The following ITSN1 variants were observed in gnomAD, a reference collection of about 807,000 sequenced individuals.
The protein encoded by ITSN1 is intersectin-1.
A neutral mutation model predicts 239.8 loss-of-function variants in ITSN1; 58 were observed. The observed-to-expected ratio is 0.24, with a 90% confidence interval of 0.20 to 0.30. The LOEUF (loss-of-function observed/expected upper bound fraction) is 0.30, where lower values mean the gene tolerates loss of function less well. Among genes scored for constraint, ITSN1 ranks in the 10% least tolerant of loss-of-function variants. The pLI is 1.00. For missense variants in ITSN1, 1,558 were observed against 2,103.3 expected (o/e 0.74, Z 5.07); for synonymous variants, 780 against 770.8 (o/e 1.01, Z -0.20).
chr21:33,810,779 G>A lies in ITSN1; in HGVS notation c.2320-196G>A, dbSNP rs920976259. 6.7e-6 allele frequency: 5 copies of A among 749,726 alleles called. No homozygotes were observed. In the Admixed American group the frequency reaches 7.8e-5, roughly 12 times the overall value. 46.4% of individuals were successfully genotyped at this position (749,726 alleles called of 1,614,324 possible). A position where few individuals can be genotyped will look rare whatever the true frequency, so the allele number is the denominator to read the frequency against. On this transcript the variant is annotated intron_variant, in intron 20 of 39. Transcript: ENST00000381318. ...TTTTTAAAAAGTGCAGAGAATAAGA[G>A]CTTGAATTATAGTGCATTTTTTTTT...
At chr21:33,762,628 T>A (rs1368459285) in intron 9 of ITSN1, among the ~76,000 whole-genome samples, 1 of 152,178 alleles carries the variant, frequency 6.6e-6, no homozygotes, top group Non-Finnish European at 1.5e-5. Context: ...ATTTTAGCTT[T>A]TATCTTCAAA....
chr21:33,736,028 T>C (rs1156938144), intron 5 of ITSN1, among the ~76,000 whole-genome samples: 1 of 152,192 alleles, frequency 6.6e-6, no homozygotes, highest in Non-Finnish European at 1.5e-5. Context: ...AAATTATCTT[T>C]CAACCAGGTA....
chr21:33,715,491 G>C (rs1016706490), intron 1 of ITSN1, among the ~76,000 whole-genome samples: 8 of 152,148 alleles, frequency 5.3e-5, no homozygotes, highest in African/African-American at 1.9e-4. Flanking sequence ...TCTACAAAAA[G>C]ATATATGACA....
intron 1 of ITSN1, among the ~76,000 whole-genome samples, chr21:33,686,987 G>A (rs1231321703): frequency 6.6e-6 from 1 of 152,110 alleles, no homozygotes. Flanking sequence ...TATATATTTT[G>A]CAGAATGGTC....
intron 10 of ITSN1, 47 bp downstream of exon 10, chr21:33,766,059 A>G: frequency 6.2e-7 from 1 of 1,603,480 alleles, no homozygotes; most frequent in Non-Finnish European, 8.5e-7. Context: ...GAGTATATGA[A>G]TTCCAAACTT....
At chr21:33,786,519 A>G (rs1212433129) in intron 16 of ITSN1, among the ~76,000 whole-genome samples, 2 of 152,316 alleles carry the variant, frequency 1.3e-5, no homozygotes, top group South Asian at 4.1e-4. Flanking sequence ...GACTTTTTGG[A>G]CAGTAGCACC....
intron 4 of ITSN1, among the ~76,000 whole-genome samples, chr21:33,734,843 T>A (rs1157031582): frequency 6.6e-6 from 1 of 152,162 alleles, no homozygotes; most frequent in Non-Finnish European, 1.5e-5. Context: ...AGTGGCAGAG[T>A]GAAAGATATT....
rs146489024 is a variant in ITSN1, at chr21:33,656,416, C to T, written c.-33+13703C>T. Reference sequence around the variant, plus strand: ...ATTTCAGTGGTGTCATTTCCTTTCACATACATATAAAATGTTGACCTCATG... The same window carrying T: ...ATTTCAGTGGTGTCATTTCCTTTCATATACATATAAAATGTTGACCTCATG... On this transcript the variant is annotated intron_variant, in intron 1 of 39. Coordinates refer to ENST00000381318, the MANE Select transcript of ITSN1 (RefSeq NM_003024.3). Among the ~76,000 whole-genome samples, 12 of 152,336 alleles carry T rather than the reference C, an allele frequency of 7.9e-5. No homozygotes were observed. In the East Asian group the frequency reaches 2.3e-3, roughly 29 times the overall value.
At chr21:33,808,080 G>A (rs555284464) in intron 20 of ITSN1, among the ~76,000 whole-genome samples, 3 of 151,836 alleles carry the variant, frequency 2.0e-5, no homozygotes, top group African/African-American at 4.8e-5. Flanking sequence ...CCAGCTACTC[G>A]GGAGGCTGAG....
chr21:33,698,451 AC>A (rs2091888020), intron 1 of ITSN1, among the ~76,000 whole-genome samples: 1 of 152,176 alleles, frequency 6.6e-6, no homozygotes, highest in Admixed American at 6.5e-5. Flanking sequence ...GTGGACAATG[AC>A]CTTTTTCAGT....
At chr21:33,876,164 T>TCTCTCTCC (rs1262233028) in intron 34 of ITSN1, among the ~76,000 whole-genome samples, 1 of 145,318 alleles carries the variant, frequency 6.9e-6, no homozygotes, top group South Asian at 2.3e-4. Flanking sequence ...TCTCTCTCCC[T>TCTCTCTCC]CTTTCTTTCT....
At chr21:33,841,348 C>T (rs1199951560) in intron 29 of ITSN1, among the ~76,000 whole-genome samples, 1 of 152,102 alleles carries the variant, frequency 6.6e-6, no homozygotes, top group Non-Finnish European at 1.5e-5. Flanking sequence ...TATAATTCAA[C>T]CTAGTACAAT....
At chr21:33,885,352 T>C (rs1985610525) in intron 37 of ITSN1, 87 bp from the exon 38 acceptor site, 2 of 1,250,368 alleles carry the variant, frequency 1.6e-6, no homozygotes, top group Non-Finnish European at 2.3e-6. Context: ...TCGGGAGAGG[T>C]ACATGAAATG....
intron 11 of ITSN1, 65 bp downstream of exon 11, chr21:33,767,893 T>C: frequency 2.2e-6 from 2 of 910,526 alleles, no homozygotes; most frequent in Middle Eastern, 2.3e-4. Context: ...TTCCTATCTC[T>C]AAGACAAAGA....
chr21:33,868,749 C>T (rs1028914370), intron 33 of ITSN1, among the ~76,000 whole-genome samples: 2 of 152,164 alleles, frequency 1.3e-5, no homozygotes, highest in African/African-American at 4.8e-5. Context: ...CTTGGCCAGC[C>T]CAGAAGGGGG....
At chr21:33,741,873 C>T (rs1368240212) in intron 5 of ITSN1, among the ~76,000 whole-genome samples, 110 of 111,882 alleles carry the variant, frequency 9.8e-4, no homozygotes, top group African/African-American at 3.7e-3. Context: ...CCATCCTGGG[C>T]GACAGAGCGA....
At chr21:33,743,548 G>A (rs1273122474) in intron 5 of ITSN1, among the ~76,000 whole-genome samples, 1 of 152,208 alleles carries the variant, frequency 6.6e-6, no homozygotes, top group African/African-American at 2.4e-5. Flanking sequence ...AAGATTGAAT[G>A]TATGGGCAGC....
chr21:33,847,457 C>A (rs1356647512), intron 29 of ITSN1, among the ~76,000 whole-genome samples: 1 of 152,222 alleles, frequency 6.6e-6, no homozygotes. Context: ...CTCCTGATTC[C>A]ATTTCCTGAC....
chr21:33,833,845 C>T (rs374075850), intron 27 of ITSN1, among the ~76,000 whole-genome samples: 69 of 138,816 alleles, frequency 5.0e-4, no homozygotes, highest in Admixed American at 1.1e-3. Flanking sequence ...GCACTCCAGC[C>T]GGGGTGACAG....
Sources: allele counts gnomAD v4.1 joint callset (sites outside exome capture counted in the v4.1 genomes callset), GRCh38; gene constraint gnomAD v4.1.1; transcripts MANE v1.5; gene names NCBI Gene and HGNC (gene_info 2026-07-23, HGNC 2026-07-21).